Variants in PATJ observed in about 807,000 individuals in gnomAD.
PATJ encodes inaD-like protein.
PATJ carries 190 observed loss-of-function variants against 224.9 expected under a neutral mutation model. The ratio of observed to expected loss-of-function variants is 0.84; its 90% CI spans 0.75 to 0.95. The LOEUF (loss-of-function observed/expected upper bound fraction) is 0.95. PATJ is among the 40% of genes least tolerant of loss of function. The pLI, the probability that PATJ is intolerant of heterozygous loss-of-function variation, is 0.00. For synonymous variants in PATJ, 769 were observed against 820.3 expected (o/e 0.94, Z 1.07); for missense variants, 2,121 against 2,270.3 (o/e 0.93, Z 1.34).
chr1:61,981,227 G>T (rs1450920507), intron 27 of PATJ, among the ~76,000 whole-genome samples: 1 of 151,952 alleles, frequency 6.6e-6, no homozygotes, highest in Non-Finnish European at 1.5e-5. Context: ...AGAAATGAGT[G>T]CACTGCATGA....
intron 1 of PATJ, among the ~76,000 whole-genome samples, chr1:61,756,302 A>G (rs1337761177): frequency 6.6e-6 from 1 of 152,026 alleles, no homozygotes; most frequent in African/African-American, 2.4e-5. Context: ...TATTGTTTTC[A>G]CAGAAAGTCA....
chr1:62,027,353 T>C (rs1648171612), intron 29 of PATJ, among the ~76,000 whole-genome samples: 2 of 152,244 alleles, frequency 1.3e-5, no homozygotes, highest in Non-Finnish European at 2.9e-5. Context: ...TGTTTGTTTA[T>C]CCACGCATCC....
rs537353551 is a variant in PATJ at position 62,087,860 on chromosome 1, A to T, written c.4377+3212A>T. 4.1e-3 allele frequency among the ~76,000 whole-genome samples: 617 copies of T among 151,112 alleles called. 6 individuals carry two copies. Among genetic ancestry groups the T allele is most frequent in the Admixed American group, 0.013 (192 of 15,160 alleles). ...CATACAGGAATTTGGTCTGCGCTGT[A>T]TCTTCTAATCGTATTTTTAATAATT... On this transcript the variant is annotated intron_variant, in intron 33 of 43. Transcript: ENST00000642238.
In PATJ at chr1:61,810,652, G is replaced by A. The variant is rs181698016; in HGVS notation, c.1683+2122G>A. On this transcript the variant is annotated intron_variant, in intron 14 of 43. Transcript: ENST00000642238. The stretch of plus-strand genomic sequence containing the variant: ...GCAGAGATTGTGGTGAGTCGAGATC[G>A]TGCCACTGCACTCCAGCCTGGGCAA... Among the ~76,000 whole-genome samples the A allele has an allele frequency of 5.0e-3, 756 of 151,984 alleles. 1 individual carries two copies. The highest frequency in any genetic ancestry group is 6.6e-3 in the Non-Finnish European group (450 of 67,996).
intron 29 of PATJ, among the ~76,000 whole-genome samples, chr1:62,031,611 T>A (rs1649314643): frequency 6.6e-6 from 1 of 152,212 alleles, no homozygotes; most frequent in African/African-American, 2.4e-5. Flanking sequence ...CTAGGGATTT[T>A]AACTTGCGTA....
chr1:61,838,379 G>T (rs1157254998), intron 17 of PATJ, among the ~76,000 whole-genome samples: 3 of 151,266 alleles, frequency 2.0e-5, no homozygotes, highest in African/African-American at 7.3e-5. Flanking sequence ...TTTTGAGATG[G>T]AGTCTTGCTC....
intron 14 of PATJ, among the ~76,000 whole-genome samples, chr1:61,814,547 T>TGTGTGCGCGTGC (rs370488022): frequency 7.0e-6 from 1 of 142,494 alleles, no homozygotes; most frequent in African/African-American, 2.7e-5. Flanking sequence ...TGTGTGTGTG[T>TGTGTGCGCGTGC]GCGCGCGCGC....
chr1:61,820,628 T>C (rs1169933719), intron 14 of PATJ, among the ~76,000 whole-genome samples: 1 of 152,222 alleles, frequency 6.6e-6, no homozygotes. Flanking sequence ...AGGTGTGAGC[T>C]ACCACACCCG....
chr1:61,984,680 A>T (rs1367499244), intron 27 of PATJ, among the ~76,000 whole-genome samples: 1 of 152,090 alleles, frequency 6.6e-6, no homozygotes, highest in Admixed American at 6.5e-5. Context: ...GGCATGATAC[A>T]GTAGAAAGTG....
At chr1:61,952,546 G>A (rs182052005) in intron 27 of PATJ, 22 of 669,092 alleles carry the variant, frequency 3.3e-5, no homozygotes, top group Middle Eastern at 2.4e-4. Context: ...GTAAGAGAGC[G>A]AGGGCACATA....
At chr1:62,023,089 A>G (rs755972857) in intron 29 of PATJ, among the ~76,000 whole-genome samples, 12 of 152,168 alleles carry the variant, frequency 7.9e-5, no homozygotes, top group Non-Finnish European at 1.6e-4. Flanking sequence ...CAGGAGTTCC[A>G]GACCAGCCTA....
intron 33 of PATJ, among the ~76,000 whole-genome samples, chr1:62,088,121 C>T (rs897156361): frequency 7.2e-5 from 11 of 152,014 alleles, no homozygotes; most frequent in Non-Finnish European, 5.9e-5. Flanking sequence ...GAACTCCCGA[C>T]CTCAGGTGAT....
chr1:61,833,791 AG>A lies in PATJ; in HGVS notation c.2112+7del. 6.2e-7 allele frequency: 1 copy of A among 1,612,488 alleles called. No homozygotes were observed. Among genetic ancestry groups the A allele is most frequent in the Non-Finnish European group, 8.5e-7 (1 of 1,179,062 alleles). On this transcript the variant is annotated splice_region_variant and intron_variant, in intron 17 of 43. Transcript: ENST00000642238. ...TCAGCATTTTGGATTACCAGGTATA[AG>A]AACCTGTGTAGAGGTGTTTTCTTTG...
At chr1:62,106,021 TGG>T (rs939918544) in intron 33 of PATJ, among the ~76,000 whole-genome samples, 1 of 113,462 alleles carries the variant, frequency 8.8e-6, no homozygotes, top group Non-Finnish European at 1.7e-5. Context: ...CCAGGAGTTC[TGG>T]GCAACATAGT....
intron 27 of PATJ, among the ~76,000 whole-genome samples, chr1:61,934,332 G>A (rs549842037): frequency 1.3e-5 from 2 of 152,288 alleles, no homozygotes; most frequent in African/African-American, 4.8e-5. Flanking sequence ...TGGCCAGGCT[G>A]GTCTTGAACT....
chr1:62,064,211 A>G (rs1172996290), intron 31 of PATJ, among the ~76,000 whole-genome samples: 1 of 151,850 alleles, frequency 6.6e-6, no homozygotes, highest in Non-Finnish European at 1.5e-5. Flanking sequence ...TCATGAAGGT[A>G]TGTTGGATTT....
intron 30 of PATJ, among the ~76,000 whole-genome samples, chr1:62,047,793 G>A (rs888280101): frequency 3.3e-5 from 5 of 152,200 alleles, no homozygotes; most frequent in Admixed American, 6.5e-5. Flanking sequence ...ACTTGGGTAT[G>A]TTTATTTCAC....
At chr1:61,924,360 T>G (rs1445505657) in intron 26 of PATJ, among the ~76,000 whole-genome samples, 2 of 152,156 alleles carry the variant, frequency 1.3e-5, no homozygotes, top group Non-Finnish European at 2.9e-5. Context: ...AGAGTGAGAC[T>G]CTGTCTCAAA....
At chr1:61,814,130 CTTTT>C (rs762502160) in intron 14 of PATJ, among the ~76,000 whole-genome samples, 1 of 85,898 alleles carries the variant, frequency 1.2e-5, no homozygotes, top group African/African-American at 4.8e-5. Flanking sequence ...TTATTCTCTT[CTTTT>C]TTTTTTTTTT....
Sources: allele counts gnomAD v4.1 joint callset (sites outside exome capture counted in the v4.1 genomes callset), GRCh38; gene constraint gnomAD v4.1.1; transcripts MANE v1.5; gene names NCBI Gene and HGNC (gene_info 2026-07-23, HGNC 2026-07-21).